Variants in DGKB observed in about 807,000 individuals in gnomAD.
The protein encoded by DGKB is 90 kDa diacylglycerol kinase.
Under a neutral mutation model 114.3 loss-of-function variants are expected in DGKB, and 67 were observed. The ratio of observed to expected loss-of-function variants is 0.59; its 90% CI spans 0.48 to 0.72. The LOEUF (loss-of-function observed/expected upper bound fraction) is 0.72, where lower values mean the gene tolerates loss of function less well. Ranked by LOEUF, DGKB falls within the 30% of genes least tolerant of loss-of-function variation. DGKB has a pLI of 0.00. For missense variants in DGKB, 907 were observed against 975.2 expected, an observed-to-expected ratio of 0.93 and a Z score of 0.93; for synonymous variants, 398 against 323.1, an observed-to-expected ratio of 1.23 and a Z score of -2.49.
chr7:14,890,039 A>G (rs952666843), intron 1 of DGKB, among the ~76,000 whole-genome samples: 2 of 151,590 alleles, frequency 1.3e-5, no homozygotes, highest in Non-Finnish European at 3.0e-5. Context: ...GAATTTACCT[A>G]ATCATAAAAT....
At chr7:14,151,698 A>G (rs1782235457) in intron 25 of DGKB, among the ~76,000 whole-genome samples, 1 of 152,068 alleles carries the variant, frequency 6.6e-6, no homozygotes, top group Non-Finnish European at 1.5e-5. Context: ...TCTTTACTCT[A>G]ACTTTATTTC....
At chr7:14,257,519 G>C (rs1173071503) in intron 23 of DGKB, among the ~76,000 whole-genome samples, 1 of 152,024 alleles carries the variant, frequency 6.6e-6, no homozygotes, top group East Asian at 1.9e-4. Flanking sequence ...GCACATGGTG[G>C]GAGGTAATTG....
chr7:14,288,424 T>A (rs1801237875), intron 23 of DGKB, among the ~76,000 whole-genome samples: 1 of 151,966 alleles, frequency 6.6e-6, no homozygotes, highest in African/African-American at 2.4e-5. Flanking sequence ...ATTCCTCAAT[T>A]TAAAAAGAAC....
At chr7:14,469,956 T>C (rs1781033199) in intron 21 of DGKB, among the ~76,000 whole-genome samples, 1 of 151,970 alleles carries the variant, frequency 6.6e-6, no homozygotes, top group African/African-American at 2.4e-5. Context: ...TACCTATTTA[T>C]CTGTACACTA....
At chr7:14,931,256 C>G (rs1209707044) in intron 1 of DGKB, among the ~76,000 whole-genome samples, 1 of 151,952 alleles carries the variant, frequency 6.6e-6, no homozygotes, top group Non-Finnish European at 1.5e-5. Flanking sequence ...GGATTACAGG[C>G]GTGCGCCTCC....
At chr7:14,617,121 A>C (rs1440251590) in intron 15 of DGKB, among the ~76,000 whole-genome samples, 1 of 151,576 alleles carries the variant, frequency 6.6e-6, no homozygotes, top group Admixed American at 6.6e-5. Context: ...TAATGATCTC[A>C]TCTTATCTGA....
intron 25 of DGKB, 177 bp downstream of exon 25, chr7:14,176,662 T>C (rs1781783754): frequency 7.2e-7 from 1 of 1,382,736 alleles, no homozygotes; most frequent in South Asian, 1.8e-5. Context: ...GCCAAGGGTA[T>C]ATAATGTCTA....
rs533625240 is a variant in DGKB at position 14,145,796 on chromosome 7, T to C, written c.*3335A>G. The C allele has an allele frequency of 3.3e-5, 5 of 152,142 alleles. No homozygotes were observed. The highest frequency in any genetic ancestry group is 6.6e-5 in the Admixed American group (1 of 15,266). The allele number at this position is 152,142 out of a possible 1,614,324, so 9.4% of individuals were successfully genotyped here. ...ATAACCAATGAACAACAAACTAACG[T>C]TGACACAAAAAGGAAAAGAATGATC... is the stretch of plus-strand genomic sequence containing the variant. On this transcript the variant is annotated 3_prime_UTR_variant, in exon 26 of 26. Coordinates refer to ENST00000402815, the MANE Select transcript of DGKB (RefSeq NM_001350709.2).
intron 21 of DGKB, among the ~76,000 whole-genome samples, chr7:14,412,827 C>T (rs949711964): frequency 2.0e-5 from 3 of 151,820 alleles, no homozygotes; most frequent in Non-Finnish European, 4.4e-5. Context: ...ACTAAAAGTA[C>T]AAAAATTAGA....
At chr7:14,577,804 T>C (rs1182471609) in intron 19 of DGKB, among the ~76,000 whole-genome samples, 21 of 152,196 alleles carry the variant, frequency 1.4e-4, no homozygotes, top group Admixed American at 1.2e-3. Context: ...TATGAAAATA[T>C]ATTCCTATAA....
At position 14,708,496 on chromosome 7, in the gene DGKB, G is replaced by A. The variant is rs571494650; in HGVS notation, c.467-6766C>T. On this transcript the variant is annotated intron_variant, in intron 6 of 25. Transcript: ENST00000402815. The stretch of plus-strand genomic sequence containing the variant: ...GTTCATATGGAACCAAAAGAGAGAC[G>A]GCATCGCCAAGTGAATCCTAAGCCA... Among the ~76,000 whole-genome samples, 1,066 of 150,378 alleles carry A rather than the reference G, an allele frequency of 7.1e-3. 9 individuals carry two copies. The highest frequency in any genetic ancestry group is 0.012 in the Non-Finnish European group (787 of 67,870).
chr7:14,147,025 G>A lies in DGKB; in HGVS notation c.*2106C>T, dbSNP rs569361796. ...TTGTAGCGAACATAAAATAATTTGT[G>A]GCTTCAAAATATGTTTTTGACACAA... On this transcript the variant is annotated 3_prime_UTR_variant, in exon 26 of 26. Coordinates refer to ENST00000402815, the MANE Select transcript of DGKB (RefSeq NM_001350709.2). The A allele has an allele frequency of 1.1e-4, 16 of 152,132 alleles. No individual in the cohort carries two copies. In the East Asian group the frequency reaches 2.1e-3, roughly 20 times the overall value. The allele number at this position is 152,132 out of a possible 1,614,324, so 9.4% of individuals were successfully genotyped here.
At chr7:14,429,573 G>A (rs1011414607) in intron 21 of DGKB, among the ~76,000 whole-genome samples, 2 of 152,138 alleles carry the variant, frequency 1.3e-5, no homozygotes, top group Non-Finnish European at 2.9e-5. Context: ...TATCTGAAGA[G>A]TCTGATCTCC....
chr7:14,974,109 T>C (rs1025784582), intron 1 of DGKB, among the ~76,000 whole-genome samples: 3 of 152,056 alleles, frequency 2.0e-5, no homozygotes, highest in Admixed American at 6.6e-5. Context: ...GGTAATACAG[T>C]TCTTTAAACA....
chr7:14,251,093 G>A (rs1180134130), intron 23 of DGKB, among the ~76,000 whole-genome samples: 1 of 152,022 alleles, frequency 6.6e-6, no homozygotes, highest in East Asian at 1.9e-4. Context: ...AGCCCCTCTA[G>A]GTCTTTTGAC....
rs917596917 is a variant in DGKB at position 14,174,530 on chromosome 7, C to G, written c.2304+2309G>C. On this transcript the variant is annotated intron_variant, in intron 25 of 25. Transcript: ENST00000402815. ...AAATAATACAAAGAGTATTCATGGA[C>G]GCTAGTTGGTTTTATTTCTTTGATT... is the stretch of plus-strand genomic sequence containing the variant. 2.6e-5 allele frequency among the ~76,000 whole-genome samples: 4 copies of G among 152,180 alleles called. No homozygotes were observed. The East Asian group carries it at 7.7e-4, about 29-fold the overall frequency.
At position 14,364,442 on chromosome 7, in the gene DGKB, C is replaced by A. The variant is rs112478157; in HGVS notation, c.1836-19051G>T. 3.4e-3 allele frequency among the ~76,000 whole-genome samples: 516 copies of A among 150,844 alleles called. 4 individuals carry two copies. Among genetic ancestry groups the A allele is most frequent in the African/African-American group, 0.012 (483 of 41,138 alleles). ...AGAAAGGAAGGAAGGAAGGAAGGAACGAAGGAAGGGAGGGAAAAGAAGAGA... is the reference window on the plus strand; with the variant it reads ...AGAAAGGAAGGAAGGAAGGAAGGAAAGAAGGAAGGGAGGGAAAAGAAGAGA... On this transcript the variant is annotated intron_variant, in intron 21 of 25. Coordinates refer to ENST00000402815, the MANE Select transcript of DGKB (RefSeq NM_001350709.2).
At chr7:14,209,209 C>T (rs1562620693) in intron 23 of DGKB, 5 of 274,462 alleles carry the variant, frequency 1.8e-5, no homozygotes, top group South Asian at 6.6e-5. Context: ...AAACCATCAC[C>T]ATTCATCAAT....
At chr7:14,868,255 C>T (rs1479908646) in intron 1 of DGKB, among the ~76,000 whole-genome samples, 1 of 151,990 alleles carries the variant, frequency 6.6e-6, no homozygotes, top group African/African-American at 2.4e-5. Flanking sequence ...GCAAAATGCC[C>T]CTTCTGTCAC....
Sources: gnomAD v4.1 joint callset for allele counts (sites outside exome capture counted in the v4.1 genomes callset) on GRCh38, gnomAD v4.1.1 for gene constraint, MANE v1.5 for transcripts, NCBI Gene and HGNC (gene_info 2026-07-23, HGNC 2026-07-21) for gene names.